Variants in PREB observed in about 807,000 individuals in gnomAD.
The protein encoded by PREB is prolactin regulatory element binding, also known as guanine nucleotide-exchange factor SEC12.
In PREB, 29 loss-of-function variants were observed where a neutral mutation model predicts 46.7. That is an observed-to-expected ratio of 0.62 (90% CI 0.46 to 0.85). The LOEUF is 0.85. Among genes scored for constraint, PREB ranks in the 40% least tolerant of loss-of-function variants. The pLI is 0.00. For synonymous variants in PREB, 224 were observed against 220.1 expected, an observed-to-expected ratio of 1.02 and a Z score of -0.16; for missense variants, 494 against 528.4, an observed-to-expected ratio of 0.93 and a Z score of 0.64.
rs970981483 is a variant in PREB, at chr2:27,132,533, C to T, written c.752+70G>A. ...AAGTTCCTCCCCAGCTCTCCCATCC[C>T]CAGTCTTTTCCCTCTCCCCCACCAC... On this transcript the variant is annotated intron_variant, in intron 5 of 8. Transcript: ENST00000260643. This position sits in a 1 kb window ranked among gnomAD's most constrained non-coding sequence, Gnocchi z 4.0. 1.9e-6 allele frequency: 3 copies of T among 1,605,582 alleles called. No homozygotes were observed. In the African/African-American group the frequency reaches 4.0e-5, roughly 22 times the overall value.
chr2:27,134,454 G>A lies in PREB; in HGVS notation c.-33C>T, dbSNP rs11542376. 1.3e-6 allele frequency: 2 copies of A among 1,506,962 alleles called. No individual in the cohort carries two copies. Among genetic ancestry groups the A allele is most frequent in the East Asian group, 2.6e-5 (1 of 39,076 alleles). 93.3% of individuals were successfully genotyped at this position (1,506,962 alleles called of 1,614,324 possible). ...GGCGCGCGTTCACTGCCCGCACCGC[G>A]GCACCCAGGACATGCCGCGCCGGGC... On this transcript the variant is annotated 5_prime_UTR_variant, in exon 1 of 9. Coordinates refer to ENST00000260643, the MANE Select transcript of PREB (RefSeq NM_013388.6).
Position 27,132,838 on chromosome 2 carries a change from C to G in PREB, c.627+5G>C. ...TCCATCCTCCTCCCACCCCCAGCCCCTCACCTTGCCATCAGGCCCTAAAGC... is the reference window on the plus strand; with the variant it reads ...TCCATCCTCCTCCCACCCCCAGCCCGTCACCTTGCCATCAGGCCCTAAAGC... On this transcript the variant is annotated splice_donor_5th_base_variant and intron_variant, in intron 4 of 8. Transcript: ENST00000260643. This position sits in a 1 kb window ranked among gnomAD's most constrained non-coding sequence, Gnocchi z 4.0. The G allele has an allele frequency of 6.2e-7, 1 of 1,614,128 alleles. No homozygotes were observed. The highest frequency in any genetic ancestry group is 8.5e-7 in the Non-Finnish European group (1 of 1,180,012).
In PREB at chr2:27,132,538, C is replaced by T; in HGVS notation, c.752+65G>A. On this transcript the variant is annotated intron_variant, in intron 5 of 8. Coordinates refer to ENST00000260643, the MANE Select transcript of PREB (RefSeq NM_013388.6). This position sits in a 1 kb window ranked among gnomAD's most constrained non-coding sequence, Gnocchi z 4.0. ...CCTCCCCAGCTCTCCCATCCCCAGT[C>T]TTTTCCCTCTCCCCCACCACAGCTG... 1 of 1,607,452 alleles carries T rather than the reference C, an allele frequency of 6.2e-7. No individual in the cohort carries two copies. The highest frequency in any genetic ancestry group is 8.5e-7 in the Non-Finnish European group (1 of 1,176,554).
rs1217914132 is a variant in PREB at position 27,131,175 on chromosome 2, G to A, written c.*239C>T. The A allele has an allele frequency of 1.6e-5, 9 of 569,802 alleles. No homozygotes were observed. Among genetic ancestry groups the A allele is most frequent in the Non-Finnish European group, 2.2e-5 (7 of 321,060 alleles). The allele number at this position is 569,802 out of a possible 1,614,324, so 35.3% of individuals were successfully genotyped here. ...GAAAGGAGGCAGGGAGTATGGCCTG[G>A]GCTTCAGATACCGCTGTTCTGGATG... is the stretch of plus-strand genomic sequence containing the variant. On this transcript the variant is annotated 3_prime_UTR_variant, in exon 9 of 9. Transcript: ENST00000260643.
rs777115571 is a variant in PREB, at chr2:27,133,718, A to T, written c.139T>A (p.Phe47Ile). 4.3e-6 allele frequency: 7 copies of T among 1,613,648 alleles called. No individual in the cohort carries two copies. The Middle Eastern group carries it at 4.9e-4, about 114-fold the overall frequency. ...AKTGIKNGVH[F>I]LQLELINGRL... is the part of the protein sequence containing the mutation. ...CCATTAATCAGCTCTAGCTGCAGAAAGTGCTGTGGGAGGGGGAACCCGGAT... is the reference window on the plus strand; with the variant it reads ...CCATTAATCAGCTCTAGCTGCAGAATGTGCTGTGGGAGGGGGAACCCGGAT... The change falls in exon 2 of 9, where the codon TTT becomes ATT. Residue 47 changes from phenylalanine (F) to isoleucine (I), a missense_variant. Phe to Ile is a conservative substitution (Grantham distance 21). Coordinates refer to ENST00000260643, the MANE Select transcript of PREB (RefSeq NM_013388.6).
Position 27,131,504 on chromosome 2 carries a change from A to T in PREB, c.1164T>A (p.Ser388Arg). 1.3e-6 allele frequency: 2 copies of T among 1,590,192 alleles called. No individual in the cohort carries two copies. Among genetic ancestry groups the T allele is most frequent in the South Asian group, 2.3e-5 (2 of 88,552 alleles). The part of the protein sequence containing the change: ...CQLHLLPSRR[S>R]VPVWLLLLLC... The stretch of plus-strand genomic sequence containing the variant: ...GCAGGAGCAGGAGCCACACAGGAAC[A>T]CTCCCTGCAGGAGGGAAAGGGAGGA... Residue 388 changes from serine (S) to arginine (R), a missense_variant, in exon 9 of 9, where the codon AGT becomes AGA. Physicochemically the swap from Ser to Arg is moderately radical, Grantham distance 110. Coordinates refer to ENST00000260643, the MANE Select transcript of PREB (RefSeq NM_013388.6).
chr2:27,130,840 C>T lies in PREB; in HGVS notation c.*574G>A. 2 of 1,401,852 alleles carry T rather than the reference C, an allele frequency of 1.4e-6. No homozygotes were observed. The highest frequency in any genetic ancestry group is 2.0e-6 in the Non-Finnish European group (2 of 1,012,846). The allele number at this position is 1,401,852 out of a possible 1,614,324, so 86.8% of individuals were successfully genotyped here. ...GGCTGAGGTTCATTTTCCCATTCCT[C>T]AAGGTAAGGGTAGACTACCTAGGAA... On this transcript the variant is annotated 3_prime_UTR_variant, in exon 9 of 9. Transcript: ENST00000260643.
chr2:27,133,111 C>A lies in PREB; in HGVS notation c.546+6G>T, dbSNP rs1333337116. On this transcript the variant is annotated splice_donor_region_variant and intron_variant, in intron 3 of 8. Coordinates refer to ENST00000260643, the MANE Select transcript of PREB (RefSeq NM_013388.6). ...ATTCACCCTCCCTAACCCTGCAAACCCACACCTTCCAGACACGGACGTAGC... is the reference window on the plus strand; with the variant it reads ...ATTCACCCTCCCTAACCCTGCAAACACACACCTTCCAGACACGGACGTAGC... 6.2e-7 allele frequency: 1 copy of A among 1,614,020 alleles called. No individual in the cohort carries two copies. Among genetic ancestry groups the A allele is most frequent in the Non-Finnish European group, 8.5e-7 (1 of 1,179,884 alleles).
chr2:27,131,039 G>A lies in PREB; in HGVS notation c.*375C>T. The A allele has an allele frequency of 1.9e-6, 1 of 527,788 alleles. No homozygotes were observed. The highest frequency in any genetic ancestry group is 3.3e-5 in the East Asian group (1 of 30,180). The allele number at this position is 527,788 out of a possible 1,614,324, so 32.7% of individuals were successfully genotyped here. On this transcript the variant is annotated 3_prime_UTR_variant, in exon 9 of 9. Coordinates refer to ENST00000260643, the MANE Select transcript of PREB (RefSeq NM_013388.6). ...GGAACTGGCCACAAGGCTGAGGGGA[G>A]GAGGAGAAACTGTTTCTGCAGGAAG...
At position 27,134,612 on chromosome 2, in the gene PREB, C is replaced by G; in HGVS notation, c.-191G>C. ...AGCCGAGCCTCAGCTCGGCTCCGTCCAAGTCGGTCTCGCAGACGCGCACTG... is the reference window on the plus strand; with the variant it reads ...AGCCGAGCCTCAGCTCGGCTCCGTCGAAGTCGGTCTCGCAGACGCGCACTG... On this transcript the variant is annotated 5_prime_UTR_variant, in exon 1 of 9. Coordinates refer to ENST00000260643, the MANE Select transcript of PREB (RefSeq NM_013388.6). 1 of 1,314,044 alleles carries G rather than the reference C, an allele frequency of 7.6e-7. No individual in the cohort carries two copies. Among genetic ancestry groups the G allele is most frequent in the South Asian group, 2.2e-5 (1 of 46,208 alleles). 81.4% of individuals were successfully genotyped at this position (1,314,044 alleles called of 1,614,324 possible).
In PREB at chr2:27,132,978, C is replaced by A. The variant is rs1358964950; in HGVS notation, c.547-55G>T. 1.1e-5 allele frequency: 18 copies of A among 1,599,280 alleles called. No individual in the cohort carries two copies. The highest frequency in any genetic ancestry group is 2.2e-5 in the East Asian group (1 of 44,758). On this transcript the variant is annotated intron_variant, in intron 3 of 8. Coordinates refer to ENST00000260643, the MANE Select transcript of PREB (RefSeq NM_013388.6). This position sits in a 1 kb window ranked among gnomAD's most constrained non-coding sequence, Gnocchi z 4.0. ...CAGGTGTCCAGCAAGTACACTGTGACTGATGCCCACGCCACCCCTTCTAAT... is the reference window on the plus strand; with the variant it reads ...CAGGTGTCCAGCAAGTACACTGTGAATGATGCCCACGCCACCCCTTCTAAT...
At chr2:27,133,951 C>T in intron 1 of PREB, 1 of 617,110 alleles carries the variant, frequency 1.6e-6, no homozygotes, top group South Asian at 2.1e-5. Context: ...GGAACTTAGC[C>T]TAAACCCAAA....
In PREB at chr2:27,132,321, G is replaced by C. The variant is rs182385956; in HGVS notation, c.835C>G (p.Pro279Ala). ...IPHKRLRQPP[P>A]CYLTAWDGSN... ...CCATCCCAGGCTGTGAGGTAGCAGGGAGGGGGCTGGCGCAGGCGCTTGTGG... is the reference window on the plus strand; with the variant it reads ...CCATCCCAGGCTGTGAGGTAGCAGGCAGGGGGCTGGCGCAGGCGCTTGTGG... Residue 279 changes from proline to alanine, a missense_variant, in exon 6 of 9, where the codon CCC becomes GCC. Pro to Ala is a conservative substitution (Grantham distance 27, BLOSUM62 -1). Coordinates refer to ENST00000260643, the MANE Select transcript of PREB (RefSeq NM_013388.6). This position sits in a 1 kb window ranked among gnomAD's most constrained non-coding sequence, Gnocchi z 4.0. 6.2e-7 allele frequency: 1 copy of C among 1,614,046 alleles called. No homozygotes were observed. Among genetic ancestry groups the C allele is most frequent in the African/African-American group, 1.3e-5 (1 of 74,936 alleles).
At position 27,133,710 on chromosome 2, in the gene PREB, C is replaced by T; in HGVS notation, c.147G>A (p.Gln49=). The T allele has an allele frequency of 6.2e-7, 1 of 1,613,860 alleles. No homozygotes were observed. The highest frequency in any genetic ancestry group is 8.5e-7 in the Non-Finnish European group (1 of 1,179,830). ...TGIKNGVHFL[Q]LELINGRLSA... is the part of the protein sequence containing the mutation. ...TCAAGCGCCCATTAATCAGCTCTAG[C>T]TGCAGAAAGTGCTGTGGGAGGGGGA... Residue 49 remains glutamine, a synonymous_variant, in exon 2 of 9, where the codon CAG becomes CAA. Transcript: ENST00000260643.
intron 1 of PREB, 107 bp downstream of exon 1, chr2:27,134,180 G>A: frequency 7.4e-7 from 1 of 1,350,026 alleles, no homozygotes; most frequent in South Asian, 1.5e-5. Context: ...CAACAGAAGT[G>A]GGCAGGGCCC....
chr2:27,134,152 C>T, intron 1 of PREB, 135 bp downstream of exon 1: 2 of 1,213,116 alleles, frequency 1.6e-6, no homozygotes, highest in African/African-American at 1.6e-5. Flanking sequence ...CCCTGGGCGT[C>T]AGGCAAGCGG....
In PREB at chr2:27,134,440, A is replaced by G; in HGVS notation, c.-19T>C. On this transcript the variant is annotated 5_prime_UTR_variant, in exon 1 of 9. An upstream open reading frame in the 5' UTR loses its in-frame stop. Coordinates refer to ENST00000260643, the MANE Select transcript of PREB (RefSeq NM_013388.6). ...GGCCCATCCCGCCCGGCGCGCGTTCACTGCCCGCACCGCGGCACCCAGGAC... is the reference window on the plus strand; with the variant it reads ...GGCCCATCCCGCCCGGCGCGCGTTCGCTGCCCGCACCGCGGCACCCAGGAC... 2 of 1,533,716 alleles carry G rather than the reference A, an allele frequency of 1.3e-6. No individual in the cohort carries two copies. The highest frequency in any genetic ancestry group is 2.4e-5 in the South Asian group (2 of 82,920).
rs778332213 is a variant in PREB at position 27,130,776 on chromosome 2, T to C, written c.*638A>G. The C allele has an allele frequency of 1.3e-6, 2 of 1,598,432 alleles. No homozygotes were observed. Among genetic ancestry groups the C allele is most frequent in the South Asian group, 1.1e-5 (1 of 90,760 alleles). On this transcript the variant is annotated 3_prime_UTR_variant, in exon 9 of 9. Transcript: ENST00000260643. ...TACCATTTGGGGTCTCAGTTCACTC[T>C]TTCCTTGTTTATTAAATATCAACTT...
At position 27,134,484 on chromosome 2, in the gene PREB, G is replaced by A; in HGVS notation, c.-63C>T. 3 of 1,417,374 alleles carry A rather than the reference G, an allele frequency of 2.1e-6. No individual in the cohort carries two copies. The highest frequency in any genetic ancestry group is 2.7e-6 in the Non-Finnish European group (3 of 1,096,020). The allele number at this position is 1,417,374 out of a possible 1,614,324, so 87.8% of individuals were successfully genotyped here. On this transcript the variant is annotated 5_prime_UTR_variant, in exon 1 of 9. Coordinates refer to ENST00000260643, the MANE Select transcript of PREB (RefSeq NM_013388.6). ...CCAGGACATGCCGCGCCGGGCCTTC[G>A]ACTACTGCCCCGGCGGCTGGTGAAC... is the stretch of plus-strand genomic sequence containing the variant.
Sources: gnomAD v4.1 joint callset for allele counts on GRCh38, gnomAD v4.1.1 for gene constraint, Gnocchi (gnomAD v3.1) non-coding constraint, MANE v1.5 for transcripts, NCBI Gene and HGNC (gene_info 2026-07-23, HGNC 2026-07-21) for gene names.